Variants in ANK3 observed in about 807,000 individuals in gnomAD.
ANK3 encodes the protein ankyrin 3, also known as ankyrin-3.
In ANK3, 57 loss-of-function variants were observed where a neutral mutation model predicts 370.9. That is an observed-to-expected ratio of 0.15 (90% CI 0.12 to 0.19). The LOEUF (loss-of-function observed/expected upper bound fraction) is 0.19, where lower values mean the gene tolerates loss of function less well. Ranked by LOEUF, ANK3 falls within the 10% of genes least tolerant of loss-of-function variation. The pLI is 1.00. For synonymous variants in ANK3, 1,929 were observed against 1,946.3 expected (o/e 0.99, Z 0.23); for missense variants, 4,439 against 5,302.1 (o/e 0.84, Z 5.06).
chr10:60,132,354 T>C (rs777076460), intron 25 of ANK3, among the ~76,000 whole-genome samples: 2 of 152,122 alleles, frequency 1.3e-5, no homozygotes, highest in African/African-American at 4.8e-5. Context: ...AATTGAATCA[T>C]AGGGGCAGGT....
At position 60,562,411 on chromosome 10, in the gene ANK3, G is replaced by T. The variant is rs144556513; in HGVS notation, c.96+52775C>A. 4.6e-5 allele frequency among the ~76,000 whole-genome samples: 7 copies of T among 151,976 alleles called. No individual in the cohort carries two copies. The South Asian group carries it at 6.2e-4, about 14-fold the overall frequency. The stretch of plus-strand genomic sequence containing the variant: ...TGTCTTAAGGGAGCATTTGTTTCGG[G>T]GGGGGCATCCGTGGGGTAGGGGGAT... On this transcript the variant is annotated intron_variant, in intron 2 of 43. Coordinates refer to the ANK3 transcript ENST00000373827.
chr10:60,052,763 T>A (rs1260333708), intron 42 of ANK3, among the ~76,000 whole-genome samples: 3 of 152,168 alleles, frequency 2.0e-5, no homozygotes, highest in Non-Finnish European at 4.4e-5. Flanking sequence ...GTTAATTCAT[T>A]ACCTCAAATC....
intron 2 of ANK3, among the ~76,000 whole-genome samples, chr10:60,515,999 T>C (rs373071881): frequency 6.6e-6 from 1 of 152,080 alleles, no homozygotes; most frequent in South Asian, 2.1e-4. Context: ...AATCAGTGTG[T>C]CACTACCAGT....
chr10:60,431,070 T>C (rs979792182), intron 2 of ANK3, among the ~76,000 whole-genome samples: 2 of 152,196 alleles, frequency 1.3e-5, no homozygotes, highest in African/African-American at 4.8e-5. Flanking sequence ...TCAAGCACAT[T>C]ATATTTATTG....
Position 60,187,134 on chromosome 10 carries a change from ATTTATTTTAT to A in ANK3, c.1888-232_1888-223del, listed in dbSNP as rs141378213. Among the ~76,000 whole-genome samples the A allele has an allele frequency of 3.8e-3, 548 of 144,834 alleles. 4 individuals carry two copies. Among genetic ancestry groups the A allele is most frequent in the African/African-American group, 0.013 (500 of 39,332 alleles). Reference sequence around the variant, plus strand: ...AAACATAATTTAATATGGACATTTTATTTATTTTATTTTATTTTATTTTATTTTATTTTAT... The same window carrying A: ...AAACATAATTTAATATGGACATTTTATTTATTTTATTTTATTTTATTTTAT... On this transcript the variant is annotated intron_variant, in intron 16 of 43. Transcript: ENST00000280772.
In ANK3 at chr10:60,674,845, T is replaced by C. The variant is rs1394911307; in HGVS notation, c.57+58418A>G. 2.0e-5 allele frequency among the ~76,000 whole-genome samples: 3 copies of C among 152,332 alleles called. No homozygotes were observed. The East Asian group carries it at 5.8e-4, about 29-fold the overall frequency. On this transcript the variant is annotated intron_variant, in intron 1 of 43. Transcript: ENST00000373827. ...ATCTGGATGACCGTCTCATAACTGATCATTGTGCCTATTTTATCTTTACAG... is the reference window on the plus strand; with the variant it reads ...ATCTGGATGACCGTCTCATAACTGACCATTGTGCCTATTTTATCTTTACAG...
intron 5 of ANK3, among the ~76,000 whole-genome samples, chr10:60,265,093 A>AT (rs149177086): frequency 0.046 from 7,004 of 152,166 alleles, 580 homozygotes; most frequent in African/African-American, 0.16. Context: ...TACCACACTT[A>AT]TTTTTTTGTG....
intron 43 of ANK3, among the ~76,000 whole-genome samples, chr10:60,036,209 G>C (rs143286226): frequency 6.6e-6 from 1 of 152,110 alleles, no homozygotes; most frequent in Admixed American, 6.6e-5. Flanking sequence ...ATCACATGCA[G>C]AGGATTTCAG....
chr10:60,443,200 C>G (rs1277130668), intron 2 of ANK3, among the ~76,000 whole-genome samples: 1 of 152,024 alleles, frequency 6.6e-6, no homozygotes, highest in Non-Finnish European at 1.5e-5. Flanking sequence ...AAGCTAGTAC[C>G]TGGGTACTAT....
intron 2 of ANK3, among the ~76,000 whole-genome samples, chr10:60,558,374 C>T (rs1262914348): frequency 6.6e-6 from 1 of 152,176 alleles, no homozygotes. Context: ...GTATTCATGG[C>T]AGAAAACAGT....
chr10:60,247,452 C>T (rs568110313), intron 7 of ANK3, among the ~76,000 whole-genome samples: 1 of 152,306 alleles, frequency 6.6e-6, no homozygotes, highest in African/African-American at 2.4e-5. Flanking sequence ...CAGCATTCTG[C>T]AATCAGTCTC....
intron 2 of ANK3, among the ~76,000 whole-genome samples, chr10:60,419,305 A>G (rs1166483956): frequency 1.3e-5 from 2 of 152,080 alleles, no homozygotes; most frequent in African/African-American, 4.8e-5. Context: ...CTTCCCATCT[A>G]TTATATGAAG....
At chr10:60,182,475 A>G (rs574441242) in intron 17 of ANK3, among the ~76,000 whole-genome samples, 3 of 152,320 alleles carry the variant, frequency 2.0e-5, no homozygotes, top group South Asian at 2.1e-4. Flanking sequence ...AGCATTTTTT[A>G]TAATATTTAA....
In ANK3 at chr10:60,643,377, C is replaced by T. The variant is rs375234214; in HGVS notation, c.58-28153G>A. 2.5e-4 allele frequency among the ~76,000 whole-genome samples: 38 copies of T among 152,238 alleles called. 2 individuals are homozygous for T. Among genetic ancestry groups the T allele is most frequent in the Admixed American group, 1.4e-3 (22 of 15,270 alleles). On this transcript the variant is annotated intron_variant, in intron 1 of 43. Coordinates refer to the ANK3 transcript ENST00000373827. ...TTTCTCCTGTACTGGATGCTTGCTGCCCTCCGACTCCAAGCTCTTCAGTTT... is the reference window on the plus strand; with the variant it reads ...TTTCTCCTGTACTGGATGCTTGCTGTCCTCCGACTCCAAGCTCTTCAGTTT...
intron 1 of ANK3, among the ~76,000 whole-genome samples, chr10:60,625,343 T>C (rs1425281887): frequency 6.6e-6 from 1 of 152,174 alleles, no homozygotes; most frequent in Admixed American, 6.5e-5. Context: ...TTTGGGATAG[T>C]TTGTTATGTG....
intron 2 of ANK3, among the ~76,000 whole-genome samples, chr10:60,441,828 T>A (rs182081159): frequency 3.0e-4 from 46 of 152,262 alleles, no homozygotes; most frequent in African/African-American, 1.1e-3. Flanking sequence ...TATTTTAACT[T>A]TCTCTGCCAT....
chr10:60,553,656 A>C lies in ANK3; in HGVS notation c.96+61530T>G, dbSNP rs553247786. On this transcript the variant is annotated intron_variant, in intron 2 of 43. Transcript: ENST00000373827. ...GTGCTCATTAAATCATTTTTCTAAG[A>C]GGCATTGCCTGGGGCAGGGGGAGGA... Among the ~76,000 whole-genome samples, 32 of 152,282 alleles carry C rather than the reference A, an allele frequency of 2.1e-4. No homozygotes were observed. In the South Asian group the frequency reaches 6.4e-3, roughly 31 times the overall value.
At position 60,075,553 on chromosome 10, in the gene ANK3, G is replaced by A. The variant is rs1406628093; in HGVS notation, c.5328C>T (p.Ser1776=). 2 of 1,613,896 alleles carry A rather than the reference G, an allele frequency of 1.2e-6. No individual in the cohort carries two copies. The highest frequency in any genetic ancestry group is 2.7e-5 in the African/African-American group (2 of 74,902). Residue 1776 remains serine, a synonymous_variant, in exon 37 of 44, where the codon TCC becomes TCT. Transcript: ENST00000280772. ...CTGCAGAAACATATGACCTGAGTGG[G>A]GAAAATGGCATTGCAGTCGTGGTAG... ...VFSTTTAMPF[S]PLRSYVSAAP... is the part of the protein sequence containing the mutation.
At chr10:60,555,574 A>G (rs577893087) in intron 2 of ANK3, among the ~76,000 whole-genome samples, 109 of 152,312 alleles carry the variant, frequency 7.2e-4, no homozygotes, top group African/African-American at 2.4e-3. Flanking sequence ...TGAAGGCTAC[A>G]TTGTATTTTG....
Sources: allele counts gnomAD v4.1 joint callset (sites outside exome capture counted in the v4.1 genomes callset), GRCh38; gene constraint gnomAD v4.1.1; transcripts MANE v1.5; gene names NCBI Gene and HGNC (gene_info 2026-07-23, HGNC 2026-07-21).